The following RGS6 variants were observed in gnomAD, a reference collection of about 807,000 sequenced individuals.
The protein encoded by RGS6 is regulator of G protein signaling 6.
In RGS6, 30 loss-of-function variants were observed where a neutral mutation model predicts 78.5. The ratio of observed to expected loss-of-function variants is 0.38; its 90% confidence interval spans 0.29 to 0.52. The LOEUF is 0.52. Ranked by LOEUF, RGS6 falls within the 20% of genes least tolerant of loss-of-function variation. RGS6 has a pLI of 0.85. For synonymous variants in RGS6, 206 were observed against 206.0 expected (o/e 1.00, Z 0.00); for missense variants, 495 against 609.7 (o/e 0.81, Z 1.98).
chr14:72,253,862 C>G (rs1258117776), intron 2 of RGS6, among the ~76,000 whole-genome samples: 2 of 152,208 alleles, frequency 1.3e-5, no homozygotes, highest in African/African-American at 4.8e-5. Context: ...GTGTTTGTTA[C>G]TGCAGCATAT....
intron 2 of RGS6, among the ~76,000 whole-genome samples, chr14:72,006,772 A>G (rs1022715220): frequency 1.3e-5 from 2 of 152,250 alleles, no homozygotes; most frequent in Non-Finnish European, 2.9e-5. Context: ...GCATCAGTAG[A>G]TAACTAATCC....
In RGS6 at chr14:72,387,466, G is replaced by A. The variant is rs983485349; in HGVS notation, c.184+35272G>A. Among the ~76,000 whole-genome samples, 14 of 151,848 alleles carry A rather than the reference G, an allele frequency of 9.2e-5. 1 individual carries two copies. The highest frequency in any genetic ancestry group is 8.3e-4 in the South Asian group (4 of 4,810). ...TGGGAGGCTGAGGCAGGAGAATGGCGTGAACCCAGGAGGCAGAGCTTGCAG... is the reference window on the plus strand; with the variant it reads ...TGGGAGGCTGAGGCAGGAGAATGGCATGAACCCAGGAGGCAGAGCTTGCAG... On this transcript the variant is annotated intron_variant, in intron 3 of 17. Transcript: ENST00000553525.
At chr14:72,353,268 A>C (rs752294913) in intron 3 of RGS6, among the ~76,000 whole-genome samples, 1 of 152,238 alleles carries the variant, frequency 6.6e-6, no homozygotes, top group East Asian at 1.9e-4. Flanking sequence ...ACTTTTATTG[A>C]AGTATACTGA....
the RGS6 span, among the ~76,000 whole-genome samples, chr14:71,903,454 G>T: frequency 2.0e-5 from 3 of 152,208 alleles, no homozygotes; most frequent in African/African-American, 7.2e-5. Context: ...AAAGGTCATG[G>T]GAATTAACAG....
intron 2 of RGS6, among the ~76,000 whole-genome samples, chr14:72,318,552 A>C (rs534932968): frequency 1.2e-4 from 19 of 152,322 alleles, no homozygotes; most frequent in African/African-American, 4.1e-4. Context: ...GGGAGATTCT[A>C]TATCCATGAA....
chr14:71,902,225 A>T, the RGS6 span, among the ~76,000 whole-genome samples: 1 of 152,240 alleles, frequency 6.6e-6, no homozygotes, highest in Non-Finnish European at 1.5e-5. Flanking sequence ...CATTTAAAAA[A>T]ATATAAGCGA....
chr14:72,306,600 A>G (rs1448584526), intron 2 of RGS6, among the ~76,000 whole-genome samples: 1 of 152,222 alleles, frequency 6.6e-6, no homozygotes, highest in Non-Finnish European at 1.5e-5. Flanking sequence ...ATTGATTCCA[A>G]CCTTCATGGA....
At chr14:72,316,943 C>T (rs1468882191) in intron 2 of RGS6, among the ~76,000 whole-genome samples, 2 of 120,072 alleles carry the variant, frequency 1.7e-5, no homozygotes, top group African/African-American at 3.2e-5. Context: ...GTGTATTTCA[C>T]ATATCACTCA....
chr14:72,036,768 G>T (rs1257343673), intron 2 of RGS6, among the ~76,000 whole-genome samples: 1 of 152,094 alleles, frequency 6.6e-6, no homozygotes, highest in Non-Finnish European at 1.5e-5. Flanking sequence ...CTCCCAGTCT[G>T]TAGTTTGCCT....
intron 2 of RGS6, among the ~76,000 whole-genome samples, chr14:72,252,801 G>A (rs1024943311): frequency 6.6e-6 from 1 of 152,154 alleles, no homozygotes; most frequent in African/African-American, 2.4e-5. Flanking sequence ...TCTTTATAGA[G>A]GAGGACTCTA....
rs1203393521 is a variant in RGS6 at position 72,560,833 on chromosome 14, TGTG to T, written c.1423-1583_1423-1581del. Among the ~76,000 whole-genome samples the T allele has an allele frequency of 7.8e-4, 112 of 143,936 alleles. 3 individuals carry two copies. Among genetic ancestry groups the T allele is most frequent in the East Asian group, 7.8e-4 (4 of 5,134 alleles). 94.4% of individuals were successfully genotyped at this position (143,936 alleles called of 152,430 possible). A position where few individuals can be genotyped will look rare whatever the true frequency, so the allele number is the denominator to read the frequency against. ...GTGTGTGTGTGTGTGTGTGTGTGTG[TGTG>T]TGTTTAAGATGGGGAGAAAAAATGA... On this transcript the variant is annotated intron_variant, in intron 17 of 17. Coordinates refer to ENST00000553525, the MANE Select transcript of RGS6 (RefSeq NM_001204424.2).
chr14:72,272,357 A>G (rs1164656528), intron 2 of RGS6, among the ~76,000 whole-genome samples: 1 of 152,210 alleles, frequency 6.6e-6, no homozygotes, highest in Non-Finnish European at 1.5e-5. Flanking sequence ...TAATCAGGAG[A>G]CTTGGATTTT....
At chr14:71,960,066 T>C (rs917858705) in intron 1 of RGS6, among the ~76,000 whole-genome samples, 91 of 152,332 alleles carry the variant, frequency 6.0e-4, no homozygotes, top group African/African-American at 2.1e-3. Flanking sequence ...TAGGCTTTGC[T>C]TGTTCCAGAG....
chr14:72,265,540 C>G (rs373883933), intron 2 of RGS6, among the ~76,000 whole-genome samples: 4 of 152,106 alleles, frequency 2.6e-5, no homozygotes, highest in South Asian at 2.1e-4. Flanking sequence ...TTAGTAGTGA[C>G]GTTGCTAGAG....
chr14:72,256,836 C>T (rs1290938017), intron 2 of RGS6, among the ~76,000 whole-genome samples: 1 of 152,138 alleles, frequency 6.6e-6, no homozygotes, highest in East Asian at 1.9e-4. Context: ...CAGTAGTATG[C>T]TATGCTTTAC....
intron 3 of RGS6, among the ~76,000 whole-genome samples, chr14:72,442,057 G>A (rs538038921): frequency 6.6e-6 from 1 of 152,292 alleles, no homozygotes; most frequent in South Asian, 2.1e-4. Context: ...GGAAACAGGA[G>A]ATCAGTCCTC....
At chr14:71,870,456 T>C in the RGS6 span, among the ~76,000 whole-genome samples, 1 of 152,170 alleles carries the variant, frequency 6.6e-6, no homozygotes, top group African/African-American at 2.4e-5. Context: ...ATATGGCCCC[T>C]GGATACTATT....
intron 1 of RGS6, among the ~76,000 whole-genome samples, chr14:71,956,405 T>C (rs1002939030): frequency 1.3e-5 from 2 of 151,846 alleles, no homozygotes; most frequent in Non-Finnish European, 2.9e-5. Context: ...ACAGTGTGTG[T>C]GTGTATATAT....
chr14:72,207,773 C>T (rs1026853783), intron 2 of RGS6, among the ~76,000 whole-genome samples: 4 of 152,212 alleles, frequency 2.6e-5, no homozygotes, highest in African/African-American at 7.2e-5. Context: ...CCAATAGGCA[C>T]TCTCCCTTTT....
Sources: allele counts gnomAD v4.1 joint callset (sites outside exome capture counted in the v4.1 genomes callset), GRCh38; gene constraint gnomAD v4.1.1; transcripts MANE v1.5; gene names NCBI Gene and HGNC (gene_info 2026-07-23, HGNC 2026-07-21).